The following EPSTI1 variants were observed in gnomAD, a reference collection of about 807,000 sequenced individuals.
EPSTI1 encodes epithelial-stromal interaction protein 1.
EPSTI1 carries 66 observed loss-of-function variants against 49.9 expected under a neutral mutation model. The ratio of observed to expected loss-of-function variants is 1.32; its 90% confidence interval spans 1.08 to 1.62. The LOEUF is 1.62. Ranked by LOEUF, EPSTI1 falls within the 40% of genes most tolerant of loss-of-function variation. The pLI, the probability that EPSTI1 is intolerant of heterozygous loss-of-function variation, is 0.00. For synonymous variants in EPSTI1, 137 were observed against 130.7 expected (o/e 1.05, Z -0.33); for missense variants, 394 against 365.5 (o/e 1.08, Z -0.64).
intron 5 of EPSTI1, among the ~76,000 whole-genome samples, chr13:42,960,975 T>C (rs764907096): frequency 3.3e-5 from 5 of 152,210 alleles, no homozygotes; most frequent in Non-Finnish European, 7.3e-5. Flanking sequence ...CCCTTACCCA[T>C]GTAAGGAAAC....
chr13:42,989,214 C>T (rs115096375), intron 1 of EPSTI1, among the ~76,000 whole-genome samples: 2,383 of 151,912 alleles, frequency 0.016, 51 homozygotes, highest in African/African-American at 0.053. Context: ...AAACATTCGA[C>T]TTAAGGGTGA....
chr13:42,970,715 C>A, intron 1 of EPSTI1, 45 bp from the exon 2 acceptor site: 6 of 1,473,116 alleles, frequency 4.1e-6, no homozygotes, highest in Non-Finnish European at 5.6e-6. Flanking sequence ...TGAGAAACTA[C>A]CAATGCATAT....
chr13:42,954,403 G>C (rs1444119086), intron 5 of EPSTI1, among the ~76,000 whole-genome samples: 1 of 152,102 alleles, frequency 6.6e-6, no homozygotes, highest in Non-Finnish European at 1.5e-5. Context: ...TGGTTAAACA[G>C]CTCATACAAA....
intron 7 of EPSTI1, among the ~76,000 whole-genome samples, chr13:42,923,209 T>C (rs951019394): frequency 6.6e-6 from 1 of 152,306 alleles, no homozygotes; most frequent in Non-Finnish European, 1.5e-5. Context: ...ACTGAATGAT[T>C]TGGGGAAGTG....
intron 7 of EPSTI1, among the ~76,000 whole-genome samples, chr13:42,918,831 TTCTCTGACAAGCCTTTCTTTTTA>T (rs1306174439): frequency 2.9e-4 from 44 of 152,264 alleles, no homozygotes; most frequent in African/African-American, 9.9e-4. Context: ...GGAAAAGTGA[TTCTCTGACAAGCCTTTCTTTTTA>T]TCTCTGACAA....
chr13:42,974,318 A>G (rs1250303343), intron 1 of EPSTI1, among the ~76,000 whole-genome samples: 1 of 151,500 alleles, frequency 6.6e-6, no homozygotes, highest in Admixed American at 6.6e-5. Context: ...CCTGGCCGAT[A>G]ACAGTGAAAC....
At chr13:42,945,798 GA>G (rs2038900930) in intron 6 of EPSTI1, among the ~76,000 whole-genome samples, 2 of 152,276 alleles carry the variant, frequency 1.3e-5, no homozygotes, top group African/African-American at 4.8e-5. Flanking sequence ...TCTGCAGGGA[GA>G]ATTGATAGTG....
At chr13:42,894,267 G>A (rs2037122767) in intron 10 of EPSTI1, among the ~76,000 whole-genome samples, 2 of 152,170 alleles carry the variant, frequency 1.3e-5, no homozygotes, top group African/African-American at 4.8e-5. Flanking sequence ...GTTGTATTGT[G>A]ACCAATTTAC....
chr13:42,935,211 C>A (rs1026850431), intron 6 of EPSTI1, among the ~76,000 whole-genome samples: 1 of 152,232 alleles, frequency 6.6e-6, no homozygotes, highest in African/African-American at 2.4e-5. Context: ...ACATTCCAGT[C>A]TCTCTGGGAT....
At chr13:42,950,345 G>A (rs1383237462) in intron 6 of EPSTI1, among the ~76,000 whole-genome samples, 1 of 152,224 alleles carries the variant, frequency 6.6e-6, no homozygotes, top group Non-Finnish European at 1.5e-5. Context: ...ATCTGCTTGT[G>A]TATTTTCAGC....
intron 6 of EPSTI1, among the ~76,000 whole-genome samples, chr13:42,946,812 A>G (rs1468273699): frequency 6.6e-6 from 1 of 152,006 alleles, no homozygotes; most frequent in Non-Finnish European, 1.5e-5. Context: ...TTAGAATCTC[A>G]TAGGAGAACA....
intron 3 of EPSTI1, among the ~76,000 whole-genome samples, 194 bp from the exon 4 acceptor site, chr13:42,964,333 A>G (rs1020588857): frequency 6.0e-5 from 9 of 149,074 alleles, no homozygotes; most frequent in African/African-American, 2.3e-4. Context: ...AGAGCTGGAT[A>G]GAAAGAGGAG....
chr13:42,959,019 C>T (rs17551804), intron 5 of EPSTI1, among the ~76,000 whole-genome samples: 21,064 of 152,090 alleles, frequency 0.14, 1,909 homozygotes, highest in Non-Finnish European at 0.19. Context: ...TAGATTCCAA[C>T]GAGATAGTGT....
chr13:42,903,540 T>C (rs963243211), intron 8 of EPSTI1, among the ~76,000 whole-genome samples: 4 of 152,194 alleles, frequency 2.6e-5, no homozygotes, highest in Non-Finnish European at 5.9e-5. Flanking sequence ...ATCCTGTACA[T>C]GAATCCCTGA....
At position 42,917,547 on chromosome 13, in the gene EPSTI1, A is replaced by T. The variant is rs1286884672; in HGVS notation, c.735T>A (p.His245Gln). The T allele has an allele frequency of 1.3e-6, 2 of 1,499,208 alleles. No individual in the cohort carries two copies. The highest frequency in any genetic ancestry group is 1.8e-6 in the Non-Finnish European group (2 of 1,107,128). 92.9% of individuals were successfully genotyped at this position (1,499,208 alleles called of 1,614,324 possible). The change falls in exon 8 of 11, where the codon CAT becomes CAA. Residue 245 changes from histidine to glutamine, a missense_variant. By Grantham distance (24) the His-to-Gln change is conservative. Coordinates refer to ENST00000313624, the MANE Select transcript of EPSTI1 (RefSeq NM_033255.5). Reference protein sequence around the residue: ...RKLQKMKDEQHQKSELLELKR... With the variant: ...RKLQKMKDEQQQKSELLELKR... ...AGTAGGGGCTTGTAAGTACCTTTTG[A>T]TGTTGTTCATCCTTCATCTTTTGCA...
At chr13:42,903,209 CAT>C (rs63351261) in intron 8 of EPSTI1, among the ~76,000 whole-genome samples, 41,671 of 124,692 alleles carry the variant, frequency 0.33, 7,060 homozygotes, top group Non-Finnish European at 0.46. Flanking sequence ...CATACTATGA[CAT>C]GTTACTTTAA....
In EPSTI1 at chr13:42,989,585, C is replaced by CTTTT. The variant is rs2040154989; in HGVS notation, c.188+2389_188+2392dup. Among the ~76,000 whole-genome samples, 180 of 63,822 alleles carry CTTTT rather than the reference C, an allele frequency of 2.8e-3. 1 individual carries two copies. Among genetic ancestry groups the CTTTT allele is most frequent in the African/African-American group, 9.4e-3 (166 of 17,734 alleles). 41.9% of individuals were successfully genotyped at this position (63,822 alleles called of 152,430 possible). A position where few individuals can be genotyped will look rare whatever the true frequency, so the allele number is the denominator to read the frequency against. On this transcript the variant is annotated intron_variant, in intron 1 of 10. Transcript: ENST00000313624. Reference sequence around the variant, plus strand: ...CTTTTTTCTTTTTTTTTTTTTTTTGCTTTTTGTTTTGTTTTGTTTTGTTTT... The same window carrying CTTTT: ...CTTTTTTCTTTTTTTTTTTTTTTTGCTTTTTTTTTGTTTTGTTTTGTTTTGTTTT...
chr13:42,924,884 T>A (rs1042158885), intron 7 of EPSTI1, among the ~76,000 whole-genome samples: 1 of 152,176 alleles, frequency 6.6e-6, no homozygotes, highest in African/African-American at 2.4e-5. Flanking sequence ...TTTAAAAACA[T>A]GGTCTCTATT....
At chr13:42,912,625 T>C (rs2037719851) in intron 8 of EPSTI1, among the ~76,000 whole-genome samples, 1 of 152,218 alleles carries the variant, frequency 6.6e-6, no homozygotes, top group African/African-American at 2.4e-5. Flanking sequence ...TATGTTTGTA[T>C]AGTTACAAAT....
Sources: allele counts gnomAD v4.1 joint callset (sites outside exome capture counted in the v4.1 genomes callset), GRCh38; gene constraint gnomAD v4.1.1; transcripts MANE v1.5; gene names NCBI Gene and HGNC (gene_info 2026-07-23, HGNC 2026-07-21).